SPIRE1: variants seen among roughly 807,000 people sequenced by gnomAD.
SPIRE1 encodes spire type actin nucleation factor 1.
In SPIRE1, 40 loss-of-function variants were observed where a neutral mutation model predicts 94.1. The observed-to-expected ratio is 0.43, with a 90% CI of 0.33 to 0.55. The LOEUF is 0.55. SPIRE1 is among the 20% of genes least tolerant of loss of function. SPIRE1 has a pLI of 0.06. For missense variants in SPIRE1, 838 were observed against 975.2 expected, an observed-to-expected ratio of 0.86 and a Z score of 1.87; for synonymous variants, 376 against 371.7, an observed-to-expected ratio of 1.01 and a Z score of -0.13.
chr18:12,454,567 A>C, intron 12 of SPIRE1, 84 bp from the exon 13 acceptor site: 2 of 1,278,646 alleles, frequency 1.6e-6, no homozygotes, highest in South Asian at 2.5e-5. Flanking sequence ...CAGACCCCTG[A>C]TTAGTAGCTT....
chr18:12,601,309 G>C (rs1281868307), intron 2 of SPIRE1, among the ~76,000 whole-genome samples: 1 of 151,558 alleles, frequency 6.6e-6, no homozygotes, highest in Non-Finnish European at 1.5e-5. Flanking sequence ...TGTAATCCCA[G>C]CTACTTGGGA....
At chr18:12,567,839 C>T (rs2035856984) in intron 2 of SPIRE1, among the ~76,000 whole-genome samples, 1 of 152,204 alleles carries the variant, frequency 6.6e-6, no homozygotes, top group South Asian at 2.1e-4. Context: ...TAACCTATAA[C>T]TTTCCTGCTT....
chr18:12,622,569 C>G (rs9960604), intron 2 of SPIRE1, among the ~76,000 whole-genome samples: 12,186 of 151,726 alleles, frequency 0.08, 631 homozygotes, highest in Middle Eastern at 0.16. Context: ...ACTACAGGCA[C>G]CCACCACCAT....
At chr18:12,575,337 C>G (rs1021055257) in intron 2 of SPIRE1, among the ~76,000 whole-genome samples, 2 of 152,000 alleles carry the variant, frequency 1.3e-5, no homozygotes, top group African/African-American at 4.8e-5. Context: ...AGTCGTTTCT[C>G]AAAAAAGAAA....
At chr18:12,587,603 C>A (rs2036421533) in intron 2 of SPIRE1, among the ~76,000 whole-genome samples, 1 of 152,016 alleles carries the variant, frequency 6.6e-6, no homozygotes, top group Non-Finnish European at 1.5e-5. Context: ...CACAGGCCTG[C>A]AGAATTAGAA....
chr18:12,634,985 G>C, intron 2 of SPIRE1, 77 bp downstream of exon 2: 1 of 744,084 alleles, frequency 1.3e-6, no homozygotes, highest in East Asian at 2.8e-5. Context: ...CCTATAGTGA[G>C]ATAGTTCAGT....
Position 12,479,774 on chromosome 18 carries a change from T to G in SPIRE1, c.1329A>C (p.Ser443=). The part of the protein sequence containing the change: ...SQTKENGLST[S]QQVPAQRKKL... ...TCTTCCGCTGTGCAGGCACCTGCTG[T>G]GAGGTACTTAACCCGTTTTCTTTTG... Residue 443 remains serine (S), a synonymous_variant, in exon 10 of 17, where the codon TCA becomes TCC. Coordinates refer to ENST00000409402, the MANE Select transcript of SPIRE1 (RefSeq NM_001128626.2). The G allele has an allele frequency of 6.2e-7, 1 of 1,614,122 alleles. No individual in the cohort carries two copies. Among genetic ancestry groups the G allele is most frequent in the South Asian group, 1.1e-5 (1 of 91,086 alleles).
At chr18:12,515,826 T>C (rs1361427932) in intron 4 of SPIRE1, among the ~76,000 whole-genome samples, 1 of 152,216 alleles carries the variant, frequency 6.6e-6, no homozygotes. Context: ...GAACCACCCC[T>C]AGCTGCTGAG....
chr18:12,533,261 G>C (rs2034739674), intron 4 of SPIRE1, among the ~76,000 whole-genome samples: 1 of 152,214 alleles, frequency 6.6e-6, no homozygotes, highest in Non-Finnish European at 1.5e-5. Context: ...CCCAACCTCG[G>C]TCAGCCTGGC....
intron 2 of SPIRE1, among the ~76,000 whole-genome samples, chr18:12,631,004 C>T (rs770701501): frequency 9.9e-5 from 15 of 152,168 alleles, no homozygotes; most frequent in Non-Finnish European, 1.9e-4. Context: ...AATGAGCCTG[C>T]CTTCTTGCTG....
chr18:12,617,987 A>C (rs1029386885), intron 2 of SPIRE1, among the ~76,000 whole-genome samples: 2 of 152,082 alleles, frequency 1.3e-5, no homozygotes, highest in African/African-American at 2.4e-5. Context: ...AAAAATTTAT[A>C]TTTTTACCTG....
Position 12,657,633 on chromosome 18 carries a change from G to A in SPIRE1, c.234C>T (p.Pro78=). ...SLRAAARRRQ[P]RHRVRSAAQI... ...GCGCGGCCGAGCGCACACGGTGGCG[G>A]GGCTGGCGGCGGCGGGCGGCGGCGC... Residue 78 remains proline (P), a synonymous_variant, in exon 1 of 17, where the codon CCC becomes CCT. Transcript: ENST00000409402. The A allele has an allele frequency of 7.6e-7, 1 of 1,315,926 alleles. No homozygotes were observed. The highest frequency in any genetic ancestry group is 9.7e-7 in the Non-Finnish European group (1 of 1,031,854). 81.5% of individuals were successfully genotyped at this position (1,315,926 alleles called of 1,614,324 possible). A position where few individuals can be genotyped will look rare whatever the true frequency, so the allele number is the denominator to read the frequency against.
At chr18:12,660,293 A>G (rs1568000437), upstream of SPIRE1, among the ~76,000 whole-genome samples, 1 of 151,024 alleles carries the variant, frequency 6.6e-6, no homozygotes, top group Non-Finnish European at 1.5e-5. Context: ...TTTTTTAGTC[A>G]TCCCTCTAAT....
chr18:12,461,535 G>GTACATATGTATGTACA (rs1555680961), intron 12 of SPIRE1, among the ~76,000 whole-genome samples: 4 of 73,904 alleles, frequency 5.4e-5, no homozygotes, highest in African/African-American at 1.6e-4. Context: ...TGGTATGTAC[G>GTACATATGTATGTACA]TACATATGTA....
At chr18:12,586,363 A>T (rs537053332) in intron 2 of SPIRE1, among the ~76,000 whole-genome samples, 1 of 152,340 alleles carries the variant, frequency 6.6e-6, no homozygotes, top group African/African-American at 2.4e-5. Flanking sequence ...ACTGCCATAA[A>T]TAGTTTGGTT....
At chr18:12,605,294 G>T (rs568896225) in intron 2 of SPIRE1, among the ~76,000 whole-genome samples, 1 of 152,056 alleles carries the variant, frequency 6.6e-6, no homozygotes, top group Non-Finnish European at 1.5e-5. Flanking sequence ...CGAGGTGGGC[G>T]GACCATGAGG....
chr18:12,657,150 G>T (rs1171053717), intron 1 of SPIRE1, among the ~76,000 whole-genome samples: 1 of 152,226 alleles, frequency 6.6e-6, no homozygotes, highest in Non-Finnish European at 1.5e-5. Flanking sequence ...CCGTGTGTCA[G>T]CAGCCACGGC....
intron 2 of SPIRE1, among the ~76,000 whole-genome samples, chr18:12,569,725 A>T (rs1051950687): frequency 1.3e-5 from 2 of 151,804 alleles, no homozygotes; most frequent in African/African-American, 4.8e-5. Flanking sequence ...ACCGTTGCTC[A>T]TGTCCTATCA....
intron 8 of SPIRE1, among the ~76,000 whole-genome samples, chr18:12,491,437 C>T (rs1455002982): frequency 6.6e-6 from 1 of 151,832 alleles, no homozygotes; most frequent in Non-Finnish European, 1.5e-5. Flanking sequence ...TACTGGCAAA[C>T]AACAGTGGAA....
Sources: allele counts gnomAD v4.1 joint callset (sites outside exome capture counted in the v4.1 genomes callset), GRCh38; gene constraint gnomAD v4.1.1; transcripts MANE v1.5; gene names NCBI Gene and HGNC (gene_info 2026-07-23, HGNC 2026-07-21).